GRIA4: variants seen among roughly 807,000 people sequenced by gnomAD.
GRIA4 encodes glutamate ionotropic receptor AMPA type subunit 4, also known as glutamate receptor 4.
Under a neutral mutation model 104.0 loss-of-function variants are expected in GRIA4, and 34 were observed. The observed-to-expected ratio is 0.33, with a 90% confidence interval of 0.25 to 0.44. GRIA4 has a LOEUF of 0.44. Among genes scored for constraint, GRIA4 ranks in the 20% least tolerant of loss-of-function variants. The pLI is 1.00. For missense variants in GRIA4, 750 were observed against 1,096.5 expected, an observed-to-expected ratio of 0.68 and a Z score of 4.46; for synonymous variants, 386 against 381.9, an observed-to-expected ratio of 1.01 and a Z score of -0.13.
chr11:105,955,268 C>A (rs1337978033), intron 14 of GRIA4, among the ~76,000 whole-genome samples: 3 of 152,152 alleles, frequency 2.0e-5, no homozygotes, highest in East Asian at 3.9e-4. Flanking sequence ...AGTTCCCTCC[C>A]CTCACCCCCA....
At chr11:105,770,522 T>C (rs1277237005) in intron 4 of GRIA4, among the ~76,000 whole-genome samples, 3 of 152,078 alleles carry the variant, frequency 2.0e-5, no homozygotes, top group African/African-American at 7.2e-5. Flanking sequence ...CATTTCAATA[T>C]ATGGTTTAAG....
At chr11:105,705,875 T>C (rs1432650624) in intron 3 of GRIA4, among the ~76,000 whole-genome samples, 1 of 152,194 alleles carries the variant, frequency 6.6e-6, no homozygotes, top group East Asian at 1.9e-4. Flanking sequence ...TACATTTACC[T>C]TTCTATCTAG....
intron 14 of GRIA4, among the ~76,000 whole-genome samples, chr11:105,964,909 C>A (rs867629088): frequency 6.6e-6 from 1 of 151,822 alleles, no homozygotes; most frequent in Non-Finnish European, 1.5e-5. Context: ...CAGGTTCAAG[C>A]GATTCTCCTG....
rs151093644 is a variant in GRIA4 at position 105,732,343 on chromosome 11, C to T, written c.248-20638C>T. On this transcript the variant is annotated intron_variant, in intron 3 of 16. Coordinates refer to ENST00000282499, the MANE Select transcript of GRIA4 (RefSeq NM_000829.4). ...GAAGTGCCCAGCGTTGAGTGGAGGG[C>T]GTGAACCAGCAGTAGCATTAGAAGC... Among the ~76,000 whole-genome samples, 7 of 152,170 alleles carry T rather than the reference C, an allele frequency of 4.6e-5. No homozygotes were observed. In the East Asian group the frequency reaches 9.7e-4, roughly 21 times the overall value.
chr11:105,757,851 A>G (rs1407045373), intron 4 of GRIA4, among the ~76,000 whole-genome samples: 1 of 152,204 alleles, frequency 6.6e-6, no homozygotes, highest in Non-Finnish European at 1.5e-5. Context: ...TCAAAAGTCC[A>G]ACAAACAAAT....
intron 16 of GRIA4, among the ~76,000 whole-genome samples, chr11:105,978,816 C>T (rs1201228660): frequency 6.6e-6 from 1 of 152,160 alleles, no homozygotes; most frequent in Non-Finnish European, 1.5e-5. Flanking sequence ...GCCTGTTTCT[C>T]CTTTGTGTAA....
chr11:105,634,468 G>GGAAAGAAAGAAAGAAAGAAAGAAA (rs751748317), intron 3 of GRIA4, among the ~76,000 whole-genome samples: 1 of 94,298 alleles, frequency 1.1e-5, no homozygotes, highest in Admixed American at 1.1e-4. Flanking sequence ...AGAAAGAAAG[G>GGAAAGAAAGAAAGAAAGAAAGAAA]GAAAGAAAGA....
At chr11:105,978,418 CTG>C (rs1360116912) in intron 16 of GRIA4, among the ~76,000 whole-genome samples, 5 of 152,024 alleles carry the variant, frequency 3.3e-5, no homozygotes. Flanking sequence ...TGAAACAGAA[CTG>C]TGAGATTGAC....
At chr11:105,641,057 A>G (rs1367366817) in intron 3 of GRIA4, among the ~76,000 whole-genome samples, 3 of 152,086 alleles carry the variant, frequency 2.0e-5, no homozygotes, top group African/African-American at 4.8e-5. Flanking sequence ...ATAGCTATTA[A>G]TGAGCACTTA....
chr11:105,927,911 A>G (rs892569768), intron 13 of GRIA4, among the ~76,000 whole-genome samples: 1 of 152,032 alleles, frequency 6.6e-6, no homozygotes, highest in Non-Finnish European at 1.5e-5. Flanking sequence ...ATTTAATAGC[A>G]TAGAAGACAG....
At chr11:105,637,799 T>C (rs1951247267) in intron 3 of GRIA4, among the ~76,000 whole-genome samples, 1 of 152,050 alleles carries the variant, frequency 6.6e-6, no homozygotes, top group African/African-American at 2.4e-5. Context: ...CTTTAACAAG[T>C]AGGTAAGAGA....
At chr11:105,751,757 A>C (rs529903997) in intron 3 of GRIA4, among the ~76,000 whole-genome samples, 2 of 152,232 alleles carry the variant, frequency 1.3e-5, no homozygotes, top group African/African-American at 4.8e-5. Context: ...ATAAATGCAC[A>C]TAGAAAACTG....
intron 4 of GRIA4, among the ~76,000 whole-genome samples, chr11:105,837,396 C>T (rs1357184943): frequency 6.6e-6 from 1 of 152,140 alleles, no homozygotes; most frequent in Non-Finnish European, 1.5e-5. Flanking sequence ...TCCAAGACCA[C>T]AGCTGGAGTC....
chr11:105,630,034 G>A (rs1276621250), intron 3 of GRIA4, among the ~76,000 whole-genome samples: 1 of 152,194 alleles, frequency 6.6e-6, no homozygotes, highest in Non-Finnish European at 1.5e-5. Context: ...AGCTGCATGA[G>A]TGAGCTGGTG....
intron 3 of GRIA4, among the ~76,000 whole-genome samples, chr11:105,631,123 A>G (rs1283936440): frequency 6.6e-6 from 1 of 152,238 alleles, no homozygotes; most frequent in East Asian, 1.9e-4. Flanking sequence ...TGTCTAAAGT[A>G]AGATTTCACT....
intron 14 of GRIA4, among the ~76,000 whole-genome samples, chr11:105,948,595 G>GTTTTTTTTTTT (rs3060323): frequency 2.3e-5 from 2 of 87,868 alleles, no homozygotes; most frequent in East Asian, 3.3e-4. Context: ...TTTTCTTTTT[G>GTTTTTTTTTTT]TTTTTTTTTT....
intron 3 of GRIA4, among the ~76,000 whole-genome samples, chr11:105,668,013 T>C (rs1241272891): frequency 1.3e-5 from 2 of 151,554 alleles, no homozygotes; most frequent in Admixed American, 1.3e-4. Context: ...TCCCCTCCCC[T>C]AGCCCATGGC....
chr11:105,822,370 GA>G (rs771628839), intron 4 of GRIA4, among the ~76,000 whole-genome samples: 41 of 152,104 alleles, frequency 2.7e-4, no homozygotes, highest in African/African-American at 8.7e-4. Context: ...TATGAGGGGG[GA>G]AAAATGAGAG....
intron 14 of GRIA4, among the ~76,000 whole-genome samples, chr11:105,962,760 T>C (rs949672222): frequency 1.3e-5 from 2 of 152,188 alleles, no homozygotes; most frequent in African/African-American, 4.8e-5. Context: ...CCAATATGGT[T>C]TAAACATCTA....
Sources: gnomAD v4.1 joint callset for allele counts (sites outside exome capture counted in the v4.1 genomes callset) on GRCh38, gnomAD v4.1.1 for gene constraint, MANE v1.5 for transcripts, NCBI Gene and HGNC (gene_info 2026-07-23, HGNC 2026-07-21) for gene names.